DAB2IP: variants seen among roughly 807,000 people sequenced by gnomAD.
The protein encoded by DAB2IP is DAB2 interacting protein, also known as disabled homolog 2-interacting protein.
In DAB2IP, 28 loss-of-function variants were observed where a neutral mutation model predicts 107.2. That is an observed-to-expected ratio of 0.26 (90% CI 0.19 to 0.36). DAB2IP has a LOEUF of 0.36. Among genes scored for constraint, DAB2IP ranks in the 10% least tolerant of loss-of-function variants. The probability of loss-of-function intolerance (pLI) is 1.00; values close to 1 mark genes in which losing one functional copy is unlikely to be tolerated. For missense variants in DAB2IP, 1,400 were observed against 1,644.7 expected (o/e 0.85, Z 2.57); for synonymous variants, 755 against 706.4 (o/e 1.07, Z -1.09).
intron 1 of DAB2IP, among the ~76,000 whole-genome samples, chr9:121,601,800 C>A (rs920255795): frequency 2.5e-4 from 38 of 152,170 alleles, no homozygotes; most frequent in African/African-American, 9.2e-4. Flanking sequence ...TGGTAAGGGG[C>A]TGGCTGGGCT....
At chr9:121,600,168 A>G (rs1238673697) in intron 1 of DAB2IP, among the ~76,000 whole-genome samples, 1 of 152,138 alleles carries the variant, frequency 6.6e-6, no homozygotes, top group Non-Finnish European at 1.5e-5. Context: ...CCCAAACTTC[A>G]GACCTTCCTC....
intron 2 of DAB2IP, among the ~76,000 whole-genome samples, chr9:121,691,709 C>T (rs956005721): frequency 7.9e-5 from 12 of 152,178 alleles, no homozygotes; most frequent in African/African-American, 2.6e-4. Context: ...AGCCCAAGGC[C>T]CCAGAGCCAT....
chr9:121,626,712 C>T (rs1185903149), intron 1 of DAB2IP, among the ~76,000 whole-genome samples: 1 of 152,062 alleles, frequency 6.6e-6, no homozygotes, highest in Non-Finnish European at 1.5e-5. Flanking sequence ...GTGTGAGCCA[C>T]CGCGCCCAGC....
At chr9:121,721,169 G>T (rs768929000) in intron 3 of DAB2IP, among the ~76,000 whole-genome samples, 6 of 152,190 alleles carry the variant, frequency 3.9e-5, no homozygotes, top group African/African-American at 1.4e-4. Context: ...GCTCTAGGTG[G>T]CACAGCTTCT....
At chr9:121,636,013 C>T (rs939489422) in intron 1 of DAB2IP, among the ~76,000 whole-genome samples, 6 of 152,198 alleles carry the variant, frequency 3.9e-5, no homozygotes, top group South Asian at 2.1e-4. Flanking sequence ...AAGTGATTCT[C>T]GTGTCTCAGC....
In DAB2IP at chr9:121,783,231, G is replaced by T; in HGVS notation, c.*733G>T. ...CCAGTGAGGGCCATGGCTTTTTCTT[G>T]TGAGCTCTTGTCCCTGTGGGGAGGA... On this transcript the variant is annotated 3_prime_UTR_variant, in exon 16 of 16. Transcript: ENST00000408936. The T allele has an allele frequency of 3.4e-6, 4 of 1,187,516 alleles. 1 individual carries two copies. Among genetic ancestry groups the T allele is most frequent in the Admixed American group, 3.7e-5 (1 of 26,854 alleles). The allele number at this position is 1,187,516 out of a possible 1,614,324, so 73.6% of individuals were successfully genotyped here. A position where few individuals can be genotyped will look rare whatever the true frequency, so the allele number is the denominator to read the frequency against.
intron 1 of DAB2IP, among the ~76,000 whole-genome samples, chr9:121,663,791 G>GA (rs1833302928): frequency 6.6e-6 from 1 of 152,214 alleles, no homozygotes; most frequent in African/African-American, 2.4e-5. Context: ...AGAGGCCAAG[G>GA]GCCAGGCGCG....
intron 1 of DAB2IP, among the ~76,000 whole-genome samples, chr9:121,617,906 C>T (rs2118989022): frequency 6.6e-6 from 1 of 152,298 alleles, no homozygotes; most frequent in African/African-American, 2.4e-5. Context: ...CATTGTAGCT[C>T]TTAGCTGGAT....
intron 3 of DAB2IP, among the ~76,000 whole-genome samples, chr9:121,705,683 T>C (rs1697787995): frequency 6.6e-6 from 1 of 152,170 alleles, no homozygotes; most frequent in South Asian, 2.1e-4. Flanking sequence ...GCTCCCCACC[T>C]TCTTGGGGAG....
At chr9:121,775,788 C>T (rs751769136) in intron 13 of DAB2IP, among the ~76,000 whole-genome samples, 20 of 152,206 alleles carry the variant, frequency 1.3e-4, no homozygotes, top group Non-Finnish European at 2.1e-4. Flanking sequence ...GACATGGTCA[C>T]CTTGTCTGGG....
rs1834861934 is a variant in DAB2IP at position 121,772,801 on chromosome 9, A to C, written c.2273A>C (p.Asp758Ala). ...GACCTCCAGGACGCCCGCACGCTGG[A>C]TGGGGAGGCAGGCTCCCCGGCGGGC... is the stretch of plus-strand genomic sequence containing the variant. The change falls in exon 12 of 16, where the codon GAT becomes GCT. Residue 758 changes from aspartate to alanine, a missense_variant. Around this residue, in one of 3 missense-constraint regions of DAB2IP, gnomAD observed 600 missense variants for 659.1 expected, o/e 0.91. Coordinates refer to ENST00000408936, the Ensembl canonical transcript of DAB2IP. The surrounding 1 kb of genome is among the most constrained non-coding windows in gnomAD (Gnocchi z 4.7). The C allele has an allele frequency of 1.1e-5, 17 of 1,612,040 alleles. No homozygotes were observed. The highest frequency in any genetic ancestry group is 1.4e-5 in the Non-Finnish European group (17 of 1,179,584).
chr9:121,579,712 T>C (rs1169826749), intron 1 of DAB2IP, among the ~76,000 whole-genome samples: 1 of 152,188 alleles, frequency 6.6e-6, no homozygotes, highest in East Asian at 1.9e-4. Context: ...CACATGCCTG[T>C]CTCTGCCACA....
At chr9:121,781,430 G>T (rs1187218918) in intron 14 of DAB2IP, 34 bp from the exon 15 acceptor site, 3 of 1,610,022 alleles carry the variant, frequency 1.9e-6, no homozygotes, top group South Asian at 2.2e-5. Context: ...GCTGCCTCCA[G>T]GGCCAGTCTG....
intron 1 of DAB2IP, among the ~76,000 whole-genome samples, chr9:121,595,760 C>A (rs548183329): frequency 2.0e-5 from 3 of 152,170 alleles, no homozygotes; most frequent in Non-Finnish European, 2.9e-5. Flanking sequence ...TGTCTTTATA[C>A]TTTTACCATA....
intron 10 of DAB2IP, among the ~76,000 whole-genome samples, chr9:121,768,840 C>T (rs1259168418): frequency 3.3e-5 from 5 of 152,174 alleles, no homozygotes; most frequent in Non-Finnish European, 7.4e-5. Flanking sequence ...CCAAGGCTGC[C>T]CCACTCTGGG....
intron 1 of DAB2IP, among the ~76,000 whole-genome samples, chr9:121,585,226 G>T (rs1430097930): frequency 1.3e-5 from 2 of 152,244 alleles, no homozygotes; most frequent in East Asian, 1.9e-4. Flanking sequence ...AATGGCGAGG[G>T]GTCAATGAGA....
At chr9:121,642,014 TC>T (rs1564128731) in intron 1 of DAB2IP, among the ~76,000 whole-genome samples, 50 of 26,654 alleles carry the variant, frequency 1.9e-3, no homozygotes, top group African/African-American at 8.1e-3. Flanking sequence ...TCTCTCTCTC[TC>T]TCTCTCTCTC....
Position 121,582,049 on chromosome 9 carries a change from G to T in DAB2IP, c.40+14821G>T, listed in dbSNP as rs561675538. ...CTCCTTCACCACGGTTGGGGGCCGTGGGGGGAAGTGAGGACAGTCATCTGG... is the reference window on the plus strand; with the variant it reads ...CTCCTTCACCACGGTTGGGGGCCGTTGGGGGAAGTGAGGACAGTCATCTGG... On this transcript the variant is annotated intron_variant, in intron 1 of 16. Coordinates refer to the DAB2IP transcript ENST00000259371. Among the ~76,000 whole-genome samples the T allele has an allele frequency of 1.4e-4, 22 of 152,204 alleles. 1 individual carries two copies. In the South Asian group the frequency reaches 4.1e-3, roughly 29 times the overall value.
At position 121,683,426 on chromosome 9, in the gene DAB2IP, G is replaced by A. The variant is rs1049565133; in HGVS notation, c.228+4645G>A. 4.6e-5 allele frequency among the ~76,000 whole-genome samples: 7 copies of A among 152,284 alleles called. No individual in the cohort carries two copies. In the East Asian group the frequency reaches 7.7e-4, roughly 17 times the overall value. The stretch of plus-strand genomic sequence containing the variant: ...CTCCCATCAACCTTGAGGATGGCTG[G>A]CAGGCCTGGGGTGTGGGAGGTGGCA... On this transcript the variant is annotated intron_variant, in intron 2 of 15. Coordinates refer to ENST00000408936, the Ensembl canonical transcript of DAB2IP.
Sources: gnomAD v4.1 joint callset for allele counts (sites outside exome capture counted in the v4.1 genomes callset) on GRCh38, gnomAD v4.1.1 for gene constraint, gnomAD v4.1.1 regional missense constraint, Gnocchi (gnomAD v3.1) non-coding constraint, MANE v1.5 for transcripts, NCBI Gene and HGNC (gene_info 2026-07-23, HGNC 2026-07-21) for gene names.